Variants in RNF113B observed in about 807,000 individuals in gnomAD.
The protein encoded by RNF113B is zinc finger protein 183-like 1.
RNF113B carries 12 observed loss-of-function variants against 22.2 expected under a neutral mutation model. That is an observed-to-expected ratio of 0.54 (90% CI 0.35 to 0.87). The LOEUF is 0.87. Ranked by LOEUF, RNF113B falls within the 40% of genes least tolerant of loss-of-function variation. The pLI, the probability that RNF113B is intolerant of heterozygous loss-of-function variation, is 0.01. For synonymous variants in RNF113B, 194 were observed against 184.6 expected (o/e 1.05, Z -0.41); for missense variants, 442 against 455.4 (o/e 0.97, Z 0.27).
chr13:98,176,658 A>C lies in RNF113B; in HGVS notation c.579T>G (p.Pro193=). Residue 193 remains proline, a synonymous_variant, in exon 1 of 2, where the codon CCT becomes CCG. Coordinates refer to ENST00000267291, the MANE Select transcript of RNF113B (RefSeq NM_178861.5). The surrounding 1 kb of genome is among the most constrained non-coding windows in gnomAD (Gnocchi z 6.2). ...LRATVRWDYQ[P]DICKDYKETG... ...TCTCCTTGTAGTCCTTGCAGATGTCAGGCTGGTAATCCCAGCGCACAGTGG... is the reference window on the plus strand; with the variant it reads ...TCTCCTTGTAGTCCTTGCAGATGTCCGGCTGGTAATCCCAGCGCACAGTGG... The C allele has an allele frequency of 6.2e-7, 1 of 1,614,192 alleles. No individual in the cohort carries two copies.
rs1225432100 is a variant in RNF113B at position 98,177,194 on chromosome 13, C to G, written c.43G>C (p.Asp15His). ...PSPGRTADQA[D>H]QVCTFLFKKP... ...TTGAAGAGGAAGGTGCATACCTGGT[C>G]TGCTTGGTCGGCCGTCCTTCCTGGA... Residue 15 changes from aspartate to histidine, a missense_variant, in exon 1 of 2, where the codon GAC (aspartate) becomes CAC (histidine). Asp to His is a moderately conservative substitution (Grantham distance 81). Coordinates refer to ENST00000267291, the MANE Select transcript of RNF113B (RefSeq NM_178861.5). 1 of 1,582,250 alleles carries G rather than the reference C, an allele frequency of 6.3e-7. No homozygotes were observed. The highest frequency in any genetic ancestry group is 1.1e-5 in the South Asian group (1 of 88,610).
rs1040801364 is a variant in RNF113B at position 98,176,103 on chromosome 13, C to G, written c.*60G>C. On this transcript the variant is annotated 3_prime_UTR_variant, in exon 2 of 2. Coordinates refer to ENST00000267291, the MANE Select transcript of RNF113B (RefSeq NM_178861.5). The surrounding 1 kb of genome is among the most constrained non-coding windows in gnomAD (Gnocchi z 6.2). ...CATGGGATTGCAGGAAGACTGTCATCTCTCTCATCTTACTCAACAGGCTGC... is the reference window on the plus strand; with the variant it reads ...CATGGGATTGCAGGAAGACTGTCATGTCTCTCATCTTACTCAACAGGCTGC... 7.0e-7 allele frequency: 1 copy of G among 1,420,910 alleles called. No homozygotes were observed. Among genetic ancestry groups the G allele is most frequent in the Non-Finnish European group, 9.9e-7 (1 of 1,014,200 alleles). The allele number at this position is 1,420,910 out of a possible 1,614,324, so 88.0% of individuals were successfully genotyped here.
Position 98,176,574 on chromosome 13 carries a change from C to G in RNF113B, c.663G>C (p.Lys221Asn). 6.2e-7 allele frequency: 1 copy of G among 1,614,234 alleles called. No individual in the cohort carries two copies. Among genetic ancestry groups the G allele is most frequent in the East Asian group, 2.2e-5 (1 of 44,880 alleles). ...CKFLHDRSDY[K>N]LGWEIERELE... The stretch of plus-strand genomic sequence containing the variant: ...GCTCCCGTTCAATCTCCCACCCGAG[C>G]TTGTAATCGGAACGGTCGTGGAGGA... Residue 221 changes from lysine (K) to asparagine (N), a missense_variant, in exon 1 of 2, where the codon AAG becomes AAC. Physicochemically the swap from Lys to Asn is moderately conservative, Grantham distance 94 (BLOSUM62 0). Transcript: ENST00000267291. This position sits in a 1 kb window ranked among gnomAD's most constrained non-coding sequence, Gnocchi z 6.2.
rs1266509386 is a variant in RNF113B, at chr13:98,177,072, T to C, written c.165A>G (p.Thr55=). Residue 55 remains threonine, a synonymous_variant, in exon 1 of 2, where the codon ACA becomes ACG. Transcript: ENST00000267291. ...ESSSSGDEGD[T]VAQPPRVAPR... Reference sequence around the variant, plus strand: ...GTGCCACCCGCGGGGGCTGAGCCACTGTGTCGCCCTCGTCCCCGCTGCTGC... The same window carrying C: ...GTGCCACCCGCGGGGGCTGAGCCACCGTGTCGCCCTCGTCCCCGCTGCTGC... 7 of 1,596,940 alleles carry C rather than the reference T, an allele frequency of 4.4e-6. No homozygotes were observed. The highest frequency in any genetic ancestry group is 1.3e-5 in the African/African-American group (1 of 74,818).
rs752037653 is a variant in RNF113B at position 98,176,707 on chromosome 13, A to C, written c.530T>G (p.Ile177Arg). The change falls in exon 1 of 2, where the codon ATA (isoleucine) becomes AGA (arginine). Residue 177 changes from isoleucine to arginine, a missense_variant. Coordinates refer to ENST00000267291, the MANE Select transcript of RNF113B (RefSeq NM_178861.5). This position sits in a 1 kb window ranked among gnomAD's most constrained non-coding sequence, Gnocchi z 6.2. ...GGCGCGCAGATGCCCTGGCGCACGT[A>C]TGGGGCCCTTCCTCGCCATCCCCGA... is the stretch of plus-strand genomic sequence containing the variant. ...SSSGMARKGP[I>R]RAPGHLRATV... 4 of 1,614,048 alleles carry C rather than the reference A, an allele frequency of 2.5e-6. No homozygotes were observed. The highest frequency in any genetic ancestry group is 3.4e-6 in the Non-Finnish European group (4 of 1,180,034).
In RNF113B at chr13:98,176,397, C is replaced by T. The variant is rs765635600; in HGVS notation, c.840G>A (p.Ala280=). 3.1e-6 allele frequency: 5 copies of T among 1,614,226 alleles called. No homozygotes were observed. The Admixed American group carries it at 6.7e-5, about 22-fold the overall frequency. ...KCRHYFCESC[A]LEHFRATPRC... ...GCGGGGTGGCCCGGAAGTGCTCCAG[C>T]GCGCAGCTCTCGCAGAAATAATGCC... The change falls in exon 1 of 2, where the codon GCG becomes GCA. Residue 280 remains alanine, a synonymous_variant. Transcript: ENST00000267291. This position sits in a 1 kb window ranked among gnomAD's most constrained non-coding sequence, Gnocchi z 6.2.
At position 98,177,139 on chromosome 13, in the gene RNF113B, A is replaced by AGGCCTGCAGCCCCTTTCCGT; in HGVS notation, c.78_97dup (p.Leu33HisfsTer129). On this transcript the variant is annotated frameshift_variant, in exon 1 of 2. Transcript: ENST00000267291. LOFTEE classifies it high-confidence loss of function. ...GGGGTCGCAGGCCGGGCGCTTTCTG[A>AGGCCTGCAGCCCCTTTCCGT]GGCCTGCAGCCCCTTTCCGTCCAGG... 1 of 1,605,942 alleles carries AGGCCTGCAGCCCCTTTCCGT rather than the reference A, an allele frequency of 6.2e-7. No individual in the cohort carries two copies. Among genetic ancestry groups the AGGCCTGCAGCCCCTTTCCGT allele is most frequent in the Non-Finnish European group, 8.5e-7 (1 of 1,179,718 alleles).
chr13:98,176,192 A>C lies in RNF113B; in HGVS notation c.956-16T>G, dbSNP rs751760297. The C allele has an allele frequency of 2.5e-6, 4 of 1,610,384 alleles. No individual in the cohort carries two copies. The African/African-American group carries it at 4.0e-5, about 16-fold the overall frequency. On this transcript the variant is annotated splice_polypyrimidine_tract_variant and intron_variant, in intron 1 of 1. Coordinates refer to ENST00000267291, the MANE Select transcript of RNF113B (RefSeq NM_178861.5). The surrounding 1 kb of genome is among the most constrained non-coding windows in gnomAD (Gnocchi z 6.2). Reference sequence around the variant, plus strand: ...CTCTTTTTTCCTAAAAGAACAAAAAAATTTATTTAAATGTGAGAATTATGG... The same window carrying C: ...CTCTTTTTTCCTAAAAGAACAAAAACATTTATTTAAATGTGAGAATTATGG...
rs1877977897 is a variant in RNF113B, at chr13:98,175,920, T to C, written c.*243A>G. On this transcript the variant is annotated 3_prime_UTR_variant, in exon 2 of 2. Transcript: ENST00000267291. ...CCCGTTAAGGCTTAATAGCATTCCA[T>C]TGTGTGTGTGTATCGCATTTTGTTT... 5.7e-6 allele frequency: 3 copies of C among 530,964 alleles called. No individual in the cohort carries two copies. The highest frequency in any genetic ancestry group is 1.9e-5 in the African/African-American group (1 of 52,378). The allele number at this position is 530,964 out of a possible 1,614,324, so 32.9% of individuals were successfully genotyped here.
rs758424880 is a variant in RNF113B at position 98,177,002 on chromosome 13, C to G, written c.235G>C (p.Asp79His). The G allele has an allele frequency of 6.3e-7, 1 of 1,597,604 alleles. No individual in the cohort carries two copies. The highest frequency in any genetic ancestry group is 2.2e-5 in the East Asian group (1 of 44,754). Reference sequence around the variant, plus strand: ...GGCGCCGCCTCCTCGCCCCTCCTGTCGCCGTGAGCCGCCTTCTGCCAGCTG... The same window carrying G: ...GGCGCCGCCTCCTCGCCCCTCCTGTGGCCGTGAGCCGCCTTCTGCCAGCTG... The part of the protein sequence containing the change: ...LHSWQKAAHG[D>H]RRGEEAAPES... Residue 79 changes from aspartate (D) to histidine (H), a missense_variant, in exon 1 of 2, where the codon GAC becomes CAC. Physicochemically the swap from Asp to His is moderately conservative, Grantham distance 81 (BLOSUM62 -1). Transcript: ENST00000267291.
chr13:98,177,088 C>A lies in RNF113B; in HGVS notation c.149G>T (p.Gly50Val), dbSNP rs1219941832. Residue 50 changes from glycine to valine, a missense_variant, in exon 1 of 2, where the codon GGG (glycine) becomes GTG (valine). Physicochemically the swap from Gly to Val is moderately radical, Grantham distance 109. Transcript: ENST00000267291. Reference protein sequence around the residue: ...DPEHGESSSSGDEGDTVAQPP... With the variant: ...DPEHGESSSSVDEGDTVAQPP... ...CTGAGCCACTGTGTCGCCCTCGTCC[C>A]CGCTGCTGCTGCTCTCTCCGTGCTC... The A allele has an allele frequency of 6.3e-7, 1 of 1,599,026 alleles. No individual in the cohort carries two copies. The highest frequency in any genetic ancestry group is 1.1e-5 in the South Asian group (1 of 90,916).
rs774690 is a variant in RNF113B at position 98,176,006 on chromosome 13, T to A, written c.*157A>T. 607,962 of 683,922 alleles carry A rather than the reference T, an allele frequency of 0.89. 277,686 individuals carry two copies. The highest frequency in any genetic ancestry group is 0.94 in the Non-Finnish European group (372,488 of 396,148). 42.4% of individuals were successfully genotyped at this position (683,922 alleles called of 1,614,324 possible). The stretch of plus-strand genomic sequence containing the variant: ...ACACCTCTTGGCTTTTGCAAATAAT[T>A]CTGCAGTGAACATGGGAGTGCACAT... On this transcript the variant is annotated 3_prime_UTR_variant, in exon 2 of 2. Coordinates refer to ENST00000267291, the MANE Select transcript of RNF113B (RefSeq NM_178861.5). This position sits in a 1 kb window ranked among gnomAD's most constrained non-coding sequence, Gnocchi z 6.2.
In RNF113B at chr13:98,176,648, T is replaced by C; in HGVS notation, c.589A>G (p.Lys197Glu). Reference sequence around the variant, plus strand: ...CAGAAGCCAGTCTCCTTGTAGTCCTTGCAGATGTCAGGCTGGTAATCCCAG... The same window carrying C: ...CAGAAGCCAGTCTCCTTGTAGTCCTCGCAGATGTCAGGCTGGTAATCCCAG... Reference protein sequence around the residue: ...VRWDYQPDICKDYKETGFCGF... With the variant: ...VRWDYQPDICEDYKETGFCGF... The change falls in exon 1 of 2, where the codon AAG (lysine) becomes GAG (glutamate). Residue 197 changes from lysine to glutamate, a missense_variant. Coordinates refer to ENST00000267291, the MANE Select transcript of RNF113B (RefSeq NM_178861.5). The surrounding 1 kb of genome is among the most constrained non-coding windows in gnomAD (Gnocchi z 6.2). The C allele has an allele frequency of 6.2e-7, 1 of 1,614,220 alleles. No individual in the cohort carries two copies. The highest frequency in any genetic ancestry group is 1.1e-5 in the South Asian group (1 of 91,080).
rs1376475304 is a variant in RNF113B, at chr13:98,177,037, C to T, written c.200G>A (p.Arg67Gln). ...CGCCTTCTGCCAGCTGTGGAGGCCCCGGGGCCTCGGTGCCACCCGCGGGGG... is the reference window on the plus strand; with the variant it reads ...CGCCTTCTGCCAGCTGTGGAGGCCCTGGGGCCTCGGTGCCACCCGCGGGGG... Reference protein sequence around the residue: ...AQPPRVAPRPRGLHSWQKAAH... With the variant: ...AQPPRVAPRPQGLHSWQKAAH... Residue 67 changes from arginine to glutamine, a missense_variant, in exon 1 of 2, where the codon CGG (arginine) becomes CAG (glutamine). Transcript: ENST00000267291. 4 of 1,593,766 alleles carry T rather than the reference C, an allele frequency of 2.5e-6. No homozygotes were observed. Among genetic ancestry groups the T allele is most frequent in the East Asian group, 2.2e-5 (1 of 44,570 alleles).
At position 98,176,876 on chromosome 13, in the gene RNF113B, C is replaced by T. The variant is rs546946648; in HGVS notation, c.361G>A (p.Glu121Lys). Residue 121 changes from glutamate to lysine, a missense_variant, in exon 1 of 2, where the codon GAG becomes AAG. By Grantham distance (56) the Glu-to-Lys change is moderately conservative. Transcript: ENST00000267291. This position sits in a 1 kb window ranked among gnomAD's most constrained non-coding sequence, Gnocchi z 6.2. Reference sequence around the variant, plus strand: ...TTGAGGATGGTCGGCGTATGGTGCTCCTTCTCGGTGTCCTGCTCGAAGTCA... The same window carrying T: ...TTGAGGATGGTCGGCGTATGGTGCTTCTTCTCGGTGTCCTGCTCGAAGTCA... ...TADFEQDTEK[E>K]HHTPTILKCS... 1.8e-5 allele frequency: 29 copies of T among 1,607,842 alleles called. No homozygotes were observed. The highest frequency in any genetic ancestry group is 1.3e-4 in the Admixed American group (8 of 60,022).
In RNF113B at chr13:98,176,816, G is replaced by C; in HGVS notation, c.421C>G (p.Arg141Gly). The change falls in exon 1 of 2, where the codon CGG becomes GGG. Residue 141 changes from arginine to glycine, a missense_variant. Coordinates refer to ENST00000267291, the MANE Select transcript of RNF113B (RefSeq NM_178861.5). This position sits in a 1 kb window ranked among gnomAD's most constrained non-coding sequence, Gnocchi z 6.2. ...CCCCGGTAGATGTGGTCGTGCTCCC[G>C]ACCCCGCAGTGCCTCCTGGACCCGC... ...SQRVQEALRG[R>G]EHDHIYRGIH... 6.2e-7 allele frequency: 1 copy of C among 1,613,082 alleles called. No individual in the cohort carries two copies. The highest frequency in any genetic ancestry group is 8.5e-7 in the Non-Finnish European group (1 of 1,179,986).
Position 98,177,078 on chromosome 13 carries a change from G to A in RNF113B, c.159C>T (p.Gly53=), listed in dbSNP as rs1308416070. The stretch of plus-strand genomic sequence containing the variant: ...CCCGCGGGGGCTGAGCCACTGTGTC[G>A]CCCTCGTCCCCGCTGCTGCTGCTCT... The part of the protein sequence containing the change: ...HGESSSSGDE[G]DTVAQPPRVA... Residue 53 remains glycine (G), a synonymous_variant, in exon 1 of 2, where the codon GGC becomes GGT. Coordinates refer to ENST00000267291, the MANE Select transcript of RNF113B (RefSeq NM_178861.5). 1 of 1,597,452 alleles carries A rather than the reference G, an allele frequency of 6.3e-7. No homozygotes were observed. The highest frequency in any genetic ancestry group is 8.5e-7 in the Non-Finnish European group (1 of 1,178,932).
chr13:98,176,083 G>T lies in RNF113B; in HGVS notation c.*80C>A. 1 of 1,221,982 alleles carries T rather than the reference G, an allele frequency of 8.2e-7. No homozygotes were observed. The highest frequency in any genetic ancestry group is 1.2e-6 in the Non-Finnish European group (1 of 834,222). 75.7% of individuals were successfully genotyped at this position (1,221,982 alleles called of 1,614,324 possible). A position where few individuals can be genotyped will look rare whatever the true frequency, so the allele number is the denominator to read the frequency against. ...CTTTTGGTTACATACTCAGGCATGGGATTGCAGGAAGACTGTCATCTCTCT... is the reference window on the plus strand; with the variant it reads ...CTTTTGGTTACATACTCAGGCATGGTATTGCAGGAAGACTGTCATCTCTCT... On this transcript the variant is annotated 3_prime_UTR_variant, in exon 2 of 2. Coordinates refer to ENST00000267291, the MANE Select transcript of RNF113B (RefSeq NM_178861.5). This position sits in a 1 kb window ranked among gnomAD's most constrained non-coding sequence, Gnocchi z 6.2.
In RNF113B at chr13:98,177,133, T is replaced by A; in HGVS notation, c.104A>T (p.Lys35Met). The A allele has an allele frequency of 6.2e-7, 1 of 1,605,148 alleles. No homozygotes were observed. The highest frequency in any genetic ancestry group is 8.5e-7 in the Non-Finnish European group (1 of 1,179,758). ...GTGCTCGGGGTCGCAGGCCGGGCGC[T>A]TTCTGAGGCCTGCAGCCCCTTTCCG... ...PGRKGAAGLR[K>M]RPACDPEHGE... Residue 35 changes from lysine to methionine, a missense_variant, in exon 1 of 2, where the codon AAG (lysine) becomes ATG (methionine). Lys to Met is a moderately conservative substitution (Grantham distance 95). Coordinates refer to ENST00000267291, the MANE Select transcript of RNF113B (RefSeq NM_178861.5).
Sources: gnomAD v4.1 joint callset for allele counts on GRCh38, gnomAD v4.1.1 for gene constraint, Gnocchi (gnomAD v3.1) non-coding constraint, MANE v1.5 for transcripts, NCBI Gene and HGNC (gene_info 2026-07-23, HGNC 2026-07-21) for gene names.